The following STEEP1 variants were observed in gnomAD, a reference collection of about 807,000 sequenced individuals.
STEEP1 encodes the protein STING ER exit protein.
In STEEP1, 3 loss-of-function variants were observed where a neutral mutation model predicts 19.2. The observed-to-expected ratio is 0.16, with a 90% CI of 0.07 to 0.40. The LOEUF (loss-of-function observed/expected upper bound fraction) is 0.40, where lower values mean the gene tolerates loss of function less well. Among genes scored for constraint, STEEP1 ranks in the 10% least tolerant of loss-of-function variants. The pLI is 0.99. For synonymous variants in STEEP1, 46 were observed against 63.7 expected, an observed-to-expected ratio of 0.72 and a Z score of 1.32; for missense variants, 54 against 177.1, an observed-to-expected ratio of 0.30 and a Z score of 3.94.
At chrX:119,543,827 CA>C (rs1387164440) in intron 4 of STEEP1, among the ~76,000 whole-genome samples, 34 of 109,591 alleles carry the variant, frequency 3.1e-4, no homozygotes, top group East Asian at 1.1e-3. Context: ...TTTAATTGTT[CA>C]AAAAAAAATT....
At chrX:119,543,682 G>A (rs978767700) in intron 4 of STEEP1, among the ~76,000 whole-genome samples, 13 of 106,866 alleles carry the variant, frequency 1.2e-4, no homozygotes, top group Admixed American at 5.1e-4. Context: ...GGGTCTCGCC[G>A]TGCTGCCCAG....
intron 4 of STEEP1, among the ~76,000 whole-genome samples, chrX:119,543,891 T>C (rs1322473780): frequency 1.8e-5 from 2 of 112,340 alleles, no homozygotes; most frequent in African/African-American, 6.5e-5. Context: ...TTGAAGGAAA[T>C]TAATGTGAGT....
chrX:119,542,122 A>G (rs758866099), intron 5 of STEEP1, among the ~76,000 whole-genome samples: 1 of 98,394 alleles, frequency 1.0e-5, no homozygotes, highest in East Asian at 3.2e-4. Flanking sequence ...GCTGGAGTGC[A>G]CTGGCGCAAT....
At chrX:119,550,863 A>G (rs1056694522) in intron 2 of STEEP1, among the ~76,000 whole-genome samples, 6 of 110,807 alleles carry the variant, frequency 5.4e-5, no homozygotes, top group Admixed American at 1.9e-4. Flanking sequence ...GGGTTTCGCC[A>G]TGTTGGCCAG....
chrX:119,555,401 G>C (rs977205464), intron 2 of STEEP1, among the ~76,000 whole-genome samples: 21 of 110,859 alleles, frequency 1.9e-4, no homozygotes, highest in Non-Finnish European at 3.0e-4. Flanking sequence ...GAGGAAGGAG[G>C]AGTCCTTAAT....
chrX:119,562,992 AG>A (rs1430501390), intron 1 of STEEP1, among the ~76,000 whole-genome samples: 1 of 111,739 alleles, frequency 8.9e-6, no homozygotes, highest in Non-Finnish European at 1.9e-5. Context: ...GACATGATGG[AG>A]AAAAAGCAAA....
At chrX:119,542,045 CTTTTCTTTTCTTTTTTTTTTTTTTTTTTT>C (rs2053164734) in intron 5 of STEEP1, among the ~76,000 whole-genome samples, 1 of 59,213 alleles carries the variant, frequency 1.7e-5, no homozygotes, top group African/African-American at 7.0e-5. Context: ...GTCAGAGTTT[CTTTTCTTTTCTTTTTTTTTTTTTTTTTTT>C]TTTTTTTTTT....
rs1338592502 is a variant in STEEP1, at chrX:119,542,080, T to C, written c.513+425A>G. Among the ~76,000 whole-genome samples the C allele has an allele frequency of 2.6e-3, 145 of 56,725 alleles. 2 individuals carry two copies. Among genetic ancestry groups the C allele is most frequent in the Non-Finnish European group, 5.6e-4 (18 of 31,924 alleles). 49.3% of individuals were successfully genotyped at this position (56,725 alleles called of 115,157 possible). On this transcript the variant is annotated intron_variant, in intron 5 of 6. Coordinates refer to ENST00000644802, the MANE Select transcript of STEEP1 (RefSeq NM_022101.4). ...CTTTTTTTTTTTTTTTTTTTTTTTT[T>C]TTTTTGAGACAGAGACCCGCTCTGT... is the stretch of plus-strand genomic sequence containing the variant.
chrX:119,558,787 T>C (rs757246050), intron 2 of STEEP1, among the ~76,000 whole-genome samples: 1 of 111,230 alleles, frequency 9.0e-6, no homozygotes, highest in East Asian at 2.8e-4. Flanking sequence ...CCAATTCTTT[T>C]GTCTGCCTTT....
chrX:119,560,198 T>G, intron 2 of STEEP1, 70 bp downstream of exon 2: 1 of 732,774 alleles, frequency 1.4e-6, no homozygotes, highest in Non-Finnish European at 2.1e-6. Flanking sequence ...ATAGATGTGA[T>G]ATTTATATTA....
rs60574433 is a variant in STEEP1, at chrX:119,542,997, C to CAAAAAA, written c.424-409_424-404dup. ...ACATTTTTGTAGAGACTGGGTCTCG[C>CAAAAAA]AAAAAAAAAAAAAAAAAAAAAAAAA... On this transcript the variant is annotated intron_variant, in intron 4 of 6. Coordinates refer to ENST00000644802, the MANE Select transcript of STEEP1 (RefSeq NM_022101.4). 8.6e-3 allele frequency among the ~76,000 whole-genome samples: 413 copies of CAAAAAA among 47,842 alleles called. 8 individuals carry two copies. The highest frequency in any genetic ancestry group is 0.013 in the Non-Finnish European group (357 of 27,482). 41.5% of individuals were successfully genotyped at this position (47,842 alleles called of 115,157 possible).
intron 5 of STEEP1, among the ~76,000 whole-genome samples, chrX:119,542,223 C>A (rs909423594): frequency 1.8e-5 from 2 of 108,552 alleles, no homozygotes; most frequent in African/African-American, 3.4e-5. Context: ...CGCACCAACA[C>A]GCCCGGCTAA....
intron 2 of STEEP1, among the ~76,000 whole-genome samples, chrX:119,555,112 A>T (rs1411683976): frequency 9.1e-6 from 1 of 109,546 alleles, no homozygotes. Flanking sequence ...CTGCCTCAAA[A>T]AAAAAAAAAG....
intron 1 of STEEP1, among the ~76,000 whole-genome samples, chrX:119,560,931 T>C (rs909280307): frequency 6.5e-5 from 7 of 107,255 alleles, no homozygotes. Flanking sequence ...TGCAATGCTG[T>C]AGTGTTCCAT....
chrX:119,549,728 C>A (rs1331097695), intron 2 of STEEP1, among the ~76,000 whole-genome samples: 1 of 112,287 alleles, frequency 8.9e-6, no homozygotes, highest in African/African-American at 3.2e-5. Flanking sequence ...TATGAGAAAG[C>A]TCGATTTTAA....
At position 119,542,499 on chromosome X, in the gene STEEP1, A is replaced by G. The variant is rs1414866621; in HGVS notation, c.513+6T>C. The G allele has an allele frequency of 2.5e-6, 3 of 1,186,026 alleles. No individual in the cohort carries two copies. Among genetic ancestry groups the G allele is most frequent in the Non-Finnish European group, 1.1e-6 (1 of 872,555 alleles). On this transcript the variant is annotated splice_donor_region_variant and intron_variant, in intron 5 of 6. Transcript: ENST00000644802. Reference sequence around the variant, plus strand: ...TTCCAGTTTCCTTAAGACCAGAGACACTTACAGCCTCAATCTCCTCTTCCT... The same window carrying G: ...TTCCAGTTTCCTTAAGACCAGAGACGCTTACAGCCTCAATCTCCTCTTCCT...
At chrX:119,562,906 G>C (rs1444694618) in intron 1 of STEEP1, among the ~76,000 whole-genome samples, 3 of 111,375 alleles carry the variant, frequency 2.7e-5, no homozygotes, top group Non-Finnish European at 3.8e-5. Flanking sequence ...AATGAAGTAA[G>C]GGAGGGATTG....
At chrX:119,543,435 C>T (rs895689293) in intron 4 of STEEP1, among the ~76,000 whole-genome samples, 5 of 110,450 alleles carry the variant, frequency 4.5e-5, no homozygotes, top group African/African-American at 1.3e-4. Flanking sequence ...GATCCGCCCA[C>T]CTCGGCCTCC....
chrX:119,544,206 GAAAT>G (rs767930996), intron 4 of STEEP1, 143 bp downstream of exon 4: 86 of 442,952 alleles, frequency 1.9e-4, no homozygotes, highest in African/African-American at 1.8e-3. Context: ...AAAGAAAAAA[GAAAT>G]AAAATAAGAA....
Sources: gnomAD v4.1 joint callset for allele counts (sites outside exome capture counted in the v4.1 genomes callset) on GRCh38, gnomAD v4.1.1 for gene constraint, MANE v1.5 for transcripts, NCBI Gene and HGNC (gene_info 2026-07-23, HGNC 2026-07-21) for gene names.